Variants in SERPINF1 observed in about 807,000 individuals in gnomAD.
SERPINF1 encodes the protein pigment epithelium-derived factor.
SERPINF1 carries 29 observed loss-of-function variants against 37.3 expected under a neutral mutation model. That is an observed-to-expected ratio of 0.78 (90% CI 0.58 to 1.06). The LOEUF (loss-of-function observed/expected upper bound fraction) is 1.06, where lower values mean the gene tolerates loss of function less well. SERPINF1 is among the 50% of genes least tolerant of loss of function. SERPINF1 has a pLI of 0.00. For missense variants in SERPINF1, 553 were observed against 532.2 expected (o/e 1.04, Z -0.38); for synonymous variants, 281 against 227.9 (o/e 1.23, Z -2.10).
At chr17:1,774,185 C>T (rs868295715) in intron 5 of SERPINF1, among the ~76,000 whole-genome samples, 1 of 152,102 alleles carries the variant, frequency 6.6e-6, no homozygotes, top group Admixed American at 6.6e-5. Context: ...GGAGTGCACA[C>T]CAGTTTACTT....
intron 4 of SERPINF1, 166 bp from the exon 5 acceptor site, chr17:1,771,706 A>C (rs1597351911): frequency 2.8e-6 from 2 of 708,360 alleles, no homozygotes; most frequent in East Asian, 5.4e-5. Context: ...CCCCCTGGCC[A>C]GTGCCTGGGG....
Position 1,777,354 on chromosome 17 carries a change from C to G in SERPINF1, c.1165C>G (p.His389Asp). ...CCACCTCACCTTCCCGCTGGACTAT[C>G]ACCTTAACCAGCCTTTCATCTTCGT... ...PAHLTFPLDY[H>D]LNQPFIFVLR... The change falls in exon 8 of 8, where the codon CAC becomes GAC. Residue 389 changes from histidine to aspartate, a missense_variant. Transcript: ENST00000254722. The G allele has an allele frequency of 6.2e-7, 1 of 1,614,178 alleles. No homozygotes were observed. The highest frequency in any genetic ancestry group is 8.5e-7 in the Non-Finnish European group (1 of 1,180,034).
chr17:1,763,654 A>G (rs945105109), intron 1 of SERPINF1, among the ~76,000 whole-genome samples: 1 of 152,162 alleles, frequency 6.6e-6, no homozygotes, highest in African/African-American at 2.4e-5. Context: ...CCTTATCCAG[A>G]TGGCTTGAAG....
chr17:1,771,248 GTCT>G, intron 4 of SERPINF1, 64 bp downstream of exon 4: 6 of 1,437,450 alleles, frequency 4.2e-6, no homozygotes, highest in African/African-American at 1.7e-5. Context: ...GGCTGGGGGG[GTCT>G]TTTTTTTTTT....
intron 4 of SERPINF1, 146 bp from the exon 5 acceptor site, chr17:1,771,726 G>C (rs1206143264): frequency 1.3e-6 from 1 of 776,216 alleles, no homozygotes; most frequent in Non-Finnish European, 2.2e-6. Flanking sequence ...GATGCCAGCA[G>C]AAGTCCTGGC....
At chr17:1,771,697 C>T (rs1778921332) in intron 4 of SERPINF1, 175 bp from the exon 5 acceptor site, 11 of 687,988 alleles carry the variant, frequency 1.6e-5, no homozygotes, top group South Asian at 1.2e-4. Flanking sequence ...ATCTGCTGCC[C>T]CCCTGGCCAG....
At chr17:1,765,636 A>G (rs891398482) in intron 1 of SERPINF1, among the ~76,000 whole-genome samples, 2 of 152,040 alleles carry the variant, frequency 1.3e-5, no homozygotes, top group African/African-American at 4.8e-5. Context: ...TTTTATTTTA[A>G]TAGTAGGTTA....
chr17:1,762,558 C>T (rs1907148472), intron 1 of SERPINF1, among the ~76,000 whole-genome samples: 1 of 152,196 alleles, frequency 6.6e-6, no homozygotes, highest in African/African-American at 2.4e-5. Context: ...AGCCCTGGCC[C>T]CTGCTCCCTC....
intron 1 of SERPINF1, among the ~76,000 whole-genome samples, chr17:1,764,869 A>C (rs887630664): frequency 8.6e-6 from 1 of 116,686 alleles, no homozygotes; most frequent in Non-Finnish European, 1.7e-5. Flanking sequence ...TTTGAGATGG[A>C]GTCTTGCTCT....
At chr17:1,774,965 G>A (rs1276180421) in intron 5 of SERPINF1, 93 bp from the exon 6 acceptor site, 3 of 1,548,968 alleles carry the variant, frequency 1.9e-6, no homozygotes, top group African/African-American at 2.7e-5. Flanking sequence ...CTTGAGTGGG[G>A]CAATTTTCAA....
In SERPINF1 at chr17:1,766,294, AC is replaced by A. The variant is rs1270995659; in HGVS notation, c.-8-607del. 2.0e-5 allele frequency: 3 copies of A among 152,138 alleles called. No homozygotes were observed. The East Asian group carries it at 5.8e-4, about 29-fold the overall frequency. 9.4% of individuals were successfully genotyped at this position (152,138 alleles called of 1,614,324 possible). Reference sequence around the variant, plus strand: ...TCAGGGGCCAGGTGTAATGGCTCACACCTATAACCCTAGCACTTTGGGAGGC... The same window carrying A: ...TCAGGGGCCAGGTGTAATGGCTCACACTATAACCCTAGCACTTTGGGAGGC... On this transcript the variant is annotated intron_variant, in intron 1 of 7. Coordinates refer to ENST00000254722, the MANE Select transcript of SERPINF1 (RefSeq NM_002615.7).
In SERPINF1 at chr17:1,767,008, C is replaced by T. The variant is rs533411249; in HGVS notation, c.84+14C>T. ...CCCCCGGAGGAGGTCAGTAGGCAGG[C>T]GGGGAGGGCGTGGTCAGCATTCCCC... is the stretch of plus-strand genomic sequence containing the variant. On this transcript the variant is annotated intron_variant, in intron 2 of 7. Transcript: ENST00000254722. 52 of 1,547,866 alleles carry T rather than the reference C, an allele frequency of 3.4e-5. No homozygotes were observed. Among genetic ancestry groups the T allele is most frequent in the East Asian group, 9.8e-5 (4 of 40,882 alleles).
rs773418122 is a variant in SERPINF1 at position 1,777,464 on chromosome 17, C to G, written c.*18C>G. On this transcript the variant is annotated 3_prime_UTR_variant, in exon 8 of 8. Coordinates refer to ENST00000254722, the MANE Select transcript of SERPINF1 (RefSeq NM_002615.7). ...GCCCCTAATATCCCAGTTTAATATT[C>G]CAATACCCTAGAAGAAAACCCGAGG... The G allele has an allele frequency of 1.7e-5, 28 of 1,613,800 alleles. No individual in the cohort carries two copies. The East Asian group carries it at 6.2e-4, about 36-fold the overall frequency.
chr17:1,777,352 A>G lies in SERPINF1; in HGVS notation c.1163A>G (p.Tyr388Cys). 1 of 1,614,108 alleles carries G rather than the reference A, an allele frequency of 6.2e-7. No homozygotes were observed. Among genetic ancestry groups the G allele is most frequent in the Non-Finnish European group, 8.5e-7 (1 of 1,180,016 alleles). Residue 388 changes from tyrosine to cysteine, a missense_variant, in exon 8 of 8, where the codon TAT becomes TGT. Physicochemically the swap from Tyr to Cys is radical, Grantham distance 194. Coordinates refer to ENST00000254722, the MANE Select transcript of SERPINF1 (RefSeq NM_002615.7). ...QPAHLTFPLD[Y>C]HLNQPFIFVL... ...GCCCACCTCACCTTCCCGCTGGACTATCACCTTAACCAGCCTTTCATCTTC... is the reference window on the plus strand; with the variant it reads ...GCCCACCTCACCTTCCCGCTGGACTGTCACCTTAACCAGCCTTTCATCTTC...
At chr17:1,762,481 G>A (rs918081874) in intron 1 of SERPINF1, among the ~76,000 whole-genome samples, 2 of 152,206 alleles carry the variant, frequency 1.3e-5, no homozygotes, top group Non-Finnish European at 2.9e-5. Context: ...ACTGGAGCCC[G>A]AGGCAAGGAG....
At chr17:1,775,582 G>T (rs1468429859) in intron 6 of SERPINF1, among the ~76,000 whole-genome samples, 2 of 146,742 alleles carry the variant, frequency 1.4e-5, no homozygotes, top group Non-Finnish European at 3.0e-5. Context: ...TCGCTCTGTC[G>T]GCCAGGCTGG....
Position 1,770,185 on chromosome 17 carries a change from C to T in SERPINF1, c.283+135C>T, listed in dbSNP as rs1261637833. ...AGCACCAGGGGCCTGGCCTGGGGGT[C>T]CCAGCTGTGTAAGCAGGAGCTCAGG... On this transcript the variant is annotated intron_variant, in intron 3 of 7. Transcript: ENST00000254722. The T allele has an allele frequency of 3.2e-6, 3 of 950,600 alleles. No individual in the cohort carries two copies. In the East Asian group the frequency reaches 7.9e-5, roughly 25 times the overall value. 58.9% of individuals were successfully genotyped at this position (950,600 alleles called of 1,614,324 possible).
chr17:1,763,191 C>T (rs1156724507), intron 1 of SERPINF1, among the ~76,000 whole-genome samples: 1 of 152,190 alleles, frequency 6.6e-6, no homozygotes. Context: ...ATGCTATCTC[C>T]GAGGCCCACT....
In SERPINF1 at chr17:1,771,929, C is replaced by T. The variant is rs368560431; in HGVS notation, c.497C>T (p.Pro166Leu). ...APLEKSYGTR[P>L]RVLTGNPRLD... is the part of the protein sequence containing the mutation. ...CTGGAAAAGTCATATGGGACCAGGC[C>T]CAGAGTCCTGACGGGCAACCCTCGC... Residue 166 changes from proline (P) to leucine (L), a missense_variant, in exon 5 of 8, where the codon CCC (proline) becomes CTC (leucine). Transcript: ENST00000254722. 5 of 1,613,866 alleles carry T rather than the reference C, an allele frequency of 3.1e-6. No individual in the cohort carries two copies. In the African/African-American group the frequency reaches 5.3e-5, roughly 17 times the overall value.
Sources: gnomAD v4.1 joint callset for allele counts (sites outside exome capture counted in the v4.1 genomes callset) on GRCh38, gnomAD v4.1.1 for gene constraint, MANE v1.5 for transcripts, NCBI Gene and HGNC (gene_info 2026-07-23, HGNC 2026-07-21) for gene names.